The following ATRNL1 variants were observed in gnomAD, a reference collection of about 807,000 sequenced individuals.
The protein encoded by ATRNL1 is attractin like 1.
A neutral mutation model predicts 182.7 loss-of-function variants in ATRNL1; 95 were observed. The observed-to-expected ratio is 0.52, with a 90% CI of 0.44 to 0.62. The LOEUF is 0.62. Ranked by LOEUF, ATRNL1 falls within the 20% of genes least tolerant of loss-of-function variation. ATRNL1 has a pLI of 0.00. For missense variants in ATRNL1, 1,471 were observed against 1,679.5 expected (o/e 0.88, Z 2.17); for synonymous variants, 576 against 568.3 (o/e 1.01, Z -0.19).
At chr10:115,238,796 G>A (rs1850290279) in intron 9 of ATRNL1, among the ~76,000 whole-genome samples, 1 of 152,130 alleles carries the variant, frequency 6.6e-6, no homozygotes, top group Non-Finnish European at 1.5e-5. Flanking sequence ...AATAGAAATG[G>A]TGAGATGAAA....
rs375737159 is a variant in ATRNL1 at position 115,300,162 on chromosome 10, A to G, written c.2544A>G (p.Ala848=). ...PGEPNDSGFC[A]YLERAAVAGL... is the part of the protein sequence containing the mutation. ...AACCCAATGATTCTGGGTTTTGTGCATATCTGGAAAGGGCTGCAGTGGCAG... is the reference window on the plus strand; with the variant it reads ...AACCCAATGATTCTGGGTTTTGTGCGTATCTGGAAAGGGCTGCAGTGGCAG... The change falls in exon 16 of 29, where the codon GCA becomes GCG. Residue 848 remains alanine (A), a synonymous_variant. Coordinates refer to ENST00000355044, the MANE Select transcript of ATRNL1 (RefSeq NM_207303.4). 5 of 1,614,106 alleles carry G rather than the reference A, an allele frequency of 3.1e-6. No homozygotes were observed. The highest frequency in any genetic ancestry group is 1.1e-5 in the South Asian group (1 of 91,084).
chr10:115,574,475 A>C (rs1317983822), intron 26 of ATRNL1, among the ~76,000 whole-genome samples: 1 of 152,128 alleles, frequency 6.6e-6, no homozygotes, highest in Non-Finnish European at 1.5e-5. Context: ...TTAGGAACTT[A>C]TATCAAAAGA....
At chr10:115,565,890 G>A (rs576089125) in intron 26 of ATRNL1, among the ~76,000 whole-genome samples, 4 of 152,010 alleles carry the variant, frequency 2.6e-5, no homozygotes, top group South Asian at 2.1e-4. Flanking sequence ...TTCCATAGAC[G>A]TACAGGTTAG....
chr10:115,147,450 G>C (rs1377550117), intron 5 of ATRNL1, among the ~76,000 whole-genome samples: 1 of 152,076 alleles, frequency 6.6e-6, no homozygotes, highest in East Asian at 1.9e-4. Flanking sequence ...TTCCTTTGCT[G>C]TGCAGAAGCT....
At chr10:115,404,815 C>CTTTTTTTTT (rs11408585) in intron 20 of ATRNL1, among the ~76,000 whole-genome samples, 1 of 136,634 alleles carries the variant, frequency 7.3e-6, no homozygotes, top group Admixed American at 7.3e-5. Flanking sequence ...AACCTCCCAG[C>CTTTTTTTTT]TTTTTTTTTT....
intron 19 of ATRNL1, among the ~76,000 whole-genome samples, chr10:115,386,235 T>C (rs1858341779): frequency 6.6e-6 from 1 of 152,222 alleles, no homozygotes; most frequent in African/African-American, 2.4e-5. Context: ...TCAGTAGATA[T>C]GGTTGTCGGT....
At chr10:115,462,359 A>T (rs1026398674) in intron 22 of ATRNL1, among the ~76,000 whole-genome samples, 14 of 152,154 alleles carry the variant, frequency 9.2e-5, no homozygotes, top group Admixed American at 7.2e-4. Context: ...CATGCCTGTA[A>T]TCCCAGCACT....
chr10:115,160,050 T>C lies in ATRNL1; in HGVS notation c.840T>C (p.Cys280=), dbSNP rs782069689. The change falls in exon 6 of 29, where the codon TGT becomes TGC. Residue 280 remains cysteine, a synonymous_variant. Coordinates refer to ENST00000355044, the MANE Select transcript of ATRNL1 (RefSeq NM_207303.4). ...TTTTTTTTTTAATAGGTCCTGATTG[T>C]TCTTTGAATGTTCCCTCTACTGAGT... ...VCNDSWQGPD[C]SLNVPSTESY... is the part of the protein sequence containing the mutation. 6.2e-7 allele frequency: 1 copy of C among 1,606,390 alleles called. No individual in the cohort carries two copies. The highest frequency in any genetic ancestry group is 1.1e-5 in the South Asian group (1 of 89,480).
In ATRNL1 at chr10:115,304,468, G is replaced by T. The variant is rs1385784538; in HGVS notation, c.2818+2425G>T. On this transcript the variant is annotated intron_variant, in intron 17 of 28. Transcript: ENST00000355044. ...AAACAATACGGACACACGTGGAGTG[G>T]TTTTAAGGAGCAGAGAGTTTAATAG... Among the ~76,000 whole-genome samples, 4 of 152,178 alleles carry T rather than the reference G, an allele frequency of 2.6e-5. No individual in the cohort carries two copies. The East Asian group carries it at 7.7e-4, about 29-fold the overall frequency.
At chr10:115,676,798 C>T (rs1281166948) in intron 26 of ATRNL1, among the ~76,000 whole-genome samples, 5 of 151,812 alleles carry the variant, frequency 3.3e-5, no homozygotes, top group Non-Finnish European at 7.4e-5. Flanking sequence ...GATAAACAAG[C>T]AGAGCAGGAT....
intron 26 of ATRNL1, among the ~76,000 whole-genome samples, chr10:115,674,803 T>C (rs1189237442): frequency 6.6e-6 from 1 of 152,104 alleles, no homozygotes; most frequent in Non-Finnish European, 1.5e-5. Context: ...ACTGTATTTC[T>C]AGACCACTGT....
intron 26 of ATRNL1, among the ~76,000 whole-genome samples, chr10:115,711,966 A>G (rs1261926059): frequency 1.3e-5 from 2 of 152,194 alleles, no homozygotes; most frequent in African/African-American, 2.4e-5. Context: ...AGTTAAAACC[A>G]TAAGTAAAGT....
intron 26 of ATRNL1, among the ~76,000 whole-genome samples, chr10:115,701,996 A>G (rs1555051648): frequency 6.6e-6 from 1 of 151,944 alleles, no homozygotes; most frequent in East Asian, 1.9e-4. Context: ...CACAACAAAA[A>G]AAGAAAGTTA....
intron 9 of ATRNL1, among the ~76,000 whole-genome samples, chr10:115,227,340 G>C (rs1223080272): frequency 6.6e-6 from 1 of 152,086 alleles, no homozygotes; most frequent in East Asian, 1.9e-4. Context: ...CTAATCATTA[G>C]AGAAATGCAA....
At position 115,669,389 on chromosome 10, in the gene ATRNL1, T is replaced by C. The variant is rs563696066; in HGVS notation, c.3796-57859T>C. Among the ~76,000 whole-genome samples, 4 of 152,266 alleles carry C rather than the reference T, an allele frequency of 2.6e-5. No homozygotes were observed. In the South Asian group the frequency reaches 6.2e-4, roughly 24 times the overall value. ...ATATAGAAATACTAGATTTGTAATA[T>C]TGAGACCACATTACTGTGATATTTC... On this transcript the variant is annotated intron_variant, in intron 26 of 28. Coordinates refer to ENST00000355044, the MANE Select transcript of ATRNL1 (RefSeq NM_207303.4).
chr10:115,111,776 C>T (rs1323545661), intron 1 of ATRNL1, among the ~76,000 whole-genome samples: 1 of 152,080 alleles, frequency 6.6e-6, no homozygotes, highest in Non-Finnish European at 1.5e-5. Flanking sequence ...GCCTCAAAGT[C>T]AGATAGATAA....
At chr10:115,893,310 G>C (rs982249547) in intron 28 of ATRNL1, among the ~76,000 whole-genome samples, 1 of 152,124 alleles carries the variant, frequency 6.6e-6, no homozygotes, top group Non-Finnish European at 1.5e-5. Context: ...TCGCTGGGAA[G>C]GACTTTAAAA....
intron 28 of ATRNL1, among the ~76,000 whole-genome samples, chr10:115,928,887 G>A (rs1203398915): frequency 1.3e-5 from 2 of 151,862 alleles, no homozygotes; most frequent in African/African-American, 2.4e-5. Context: ...AATGATTTTA[G>A]AAACATGTCC....
At chr10:115,428,738 C>T (rs1241017402) in intron 21 of ATRNL1, among the ~76,000 whole-genome samples, 1 of 151,984 alleles carries the variant, frequency 6.6e-6, no homozygotes, top group Non-Finnish European at 1.5e-5. Context: ...TTTGTCCATT[C>T]ATAAGTTCAT....
Sources: gnomAD v4.1 joint callset for allele counts (sites outside exome capture counted in the v4.1 genomes callset) on GRCh38, gnomAD v4.1.1 for gene constraint, MANE v1.5 for transcripts, NCBI Gene and HGNC (gene_info 2026-07-23, HGNC 2026-07-21) for gene names.